BEAN1: variants seen among roughly 807,000 people sequenced by gnomAD.
The protein encoded by BEAN1 is brain expressed associated with NEDD4 1, also known as protein BEAN1.
In BEAN1, 17 loss-of-function variants were observed where a neutral mutation model predicts 17.7. The ratio of observed to expected loss-of-function variants is 0.96; its 90% CI spans 0.66 to 1.44. BEAN1 has a LOEUF of 1.44. Ranked by LOEUF, BEAN1 falls within the 40% of genes most tolerant of loss-of-function variation. The probability of loss-of-function intolerance (pLI) is 0.00; values close to 1 mark genes in which losing one functional copy is unlikely to be tolerated. For synonymous variants in BEAN1, 142 were observed against 151.8 expected (o/e 0.94, Z 0.47); for missense variants, 359 against 374.1 (o/e 0.96, Z 0.33).
At chr16:66,466,714 CACCACCACGCCCGGGT>C (rs1023693288) in intron 2 of BEAN1, among the ~76,000 whole-genome samples, 3 of 152,126 alleles carry the variant, frequency 2.0e-5, no homozygotes, top group African/African-American at 7.2e-5. Context: ...TACAAGCACC[CACCACCACGCCCGGGT>C]AAATTTTTTT....
chr16:66,492,570 G>C (rs1964189980), intron 4 of BEAN1, among the ~76,000 whole-genome samples: 1 of 151,850 alleles, frequency 6.6e-6, no homozygotes, highest in African/African-American at 2.4e-5. Flanking sequence ...CTCCCAAACA[G>C]CTGGGATTAC....
chr16:66,477,538 G>A (rs1294176343), intron 3 of BEAN1, 22 bp from the exon 4 acceptor site: 18 of 1,517,642 alleles, frequency 1.2e-5, no homozygotes, highest in Non-Finnish European at 1.6e-5. Context: ...TGAGGCCCAG[G>A]CCGGTGGTCT....
intron 2 of BEAN1, among the ~76,000 whole-genome samples, chr16:66,453,621 C>T (rs1397192100): frequency 1.3e-5 from 2 of 152,146 alleles, no homozygotes; most frequent in African/African-American, 4.8e-5. Flanking sequence ...CTTGACCTCC[C>T]AAAGTGTTGG....
Position 66,493,231 on chromosome 16 carries a change from GA to G in BEAN1, c.421del (p.Arg141GlyfsTer3). The stretch of plus-strand genomic sequence containing the variant: ...GGACCCACAGCAGGCACAGCTCAGA[GA>G]AAAGGCTGGTGAAGCCCTGCAGCTG... On this transcript the variant is annotated frameshift_variant, in exon 5 of 5. Coordinates refer to the BEAN1 transcript ENST00000561796. LOFTEE classifies it low-confidence loss of function (END_TRUNC). 2 of 703,040 alleles carry G rather than the reference GA, an allele frequency of 2.8e-6. No homozygotes were observed. The highest frequency in any genetic ancestry group is 5.2e-6 in the Non-Finnish European group (2 of 384,994). 43.6% of individuals were successfully genotyped at this position (703,040 alleles called of 1,614,324 possible). A position where few individuals can be genotyped will look rare whatever the true frequency, so the allele number is the denominator to read the frequency against.
rs753488394 is a variant in BEAN1 at position 66,471,539 on chromosome 16, A to G, written c.289+1674A>G. On this transcript the variant is annotated intron_variant, in intron 3 of 4. Coordinates refer to ENST00000536005, the MANE Select transcript of BEAN1 (RefSeq NM_001178020.3). This position sits in a 1 kb window ranked among gnomAD's most constrained non-coding sequence, Gnocchi z 4.7. Reference sequence around the variant, plus strand: ...CATGGCCACAGTGGGTGTCACTCAGACCTGGATGTTGCTCCCCTGGGAAAG... The same window carrying G: ...CATGGCCACAGTGGGTGTCACTCAGGCCTGGATGTTGCTCCCCTGGGAAAG... 1.3e-5 allele frequency among the ~76,000 whole-genome samples: 2 copies of G among 152,198 alleles called. No individual in the cohort carries two copies. Among genetic ancestry groups the G allele is most frequent in the Non-Finnish European group, 2.9e-5 (2 of 68,028 alleles).
intron 4 of BEAN1, among the ~76,000 whole-genome samples, chr16:66,479,557 CACAT>C (rs1388212909): frequency 6.6e-6 from 1 of 152,088 alleles, no homozygotes; most frequent in Non-Finnish European, 1.5e-5. Context: ...CACACACACA[CACAT>C]ACATGCACAC....
intron 3 of BEAN1, 173 bp downstream of exon 3, chr16:66,470,038 G>A (rs1963417643): frequency 2.2e-6 from 2 of 921,090 alleles, no homozygotes; most frequent in Non-Finnish European, 3.2e-6. Flanking sequence ...AATGTTCTCG[G>A]TGACATGAGA....
chr16:66,443,680 A>AT (rs920080245), intron 2 of BEAN1, among the ~76,000 whole-genome samples: 11 of 151,554 alleles, frequency 7.3e-5, no homozygotes, highest in African/African-American at 1.7e-4. Flanking sequence ...GCTCATCTTA[A>AT]TTTTTTTTTA....
rs933021305 is a variant in BEAN1, at chr16:66,481,065, T to C, written c.*140T>C. The C allele has an allele frequency of 1.9e-5, 13 of 670,506 alleles. No individual in the cohort carries two copies. The highest frequency in any genetic ancestry group is 5.5e-5 in the African/African-American group (3 of 54,980). The allele number at this position is 670,506 out of a possible 1,614,324, so 41.5% of individuals were successfully genotyped here. A position where few individuals can be genotyped will look rare whatever the true frequency, so the allele number is the denominator to read the frequency against. ...GACCAAACTTGTATACACACAGACATCTACACTGACATACCCCATGTACAC... is the reference window on the plus strand; with the variant it reads ...GACCAAACTTGTATACACACAGACACCTACACTGACATACCCCATGTACAC... On this transcript the variant is annotated 3_prime_UTR_variant, in exon 5 of 5. Transcript: ENST00000536005. This position sits in a 1 kb window ranked among gnomAD's most constrained non-coding sequence, Gnocchi z 4.1.
At chr16:66,433,447 G>C (rs1007848058) in intron 1 of BEAN1, among the ~76,000 whole-genome samples, 6 of 152,282 alleles carry the variant, frequency 3.9e-5, no homozygotes, top group Non-Finnish European at 8.8e-5. Context: ...AGTGATGGCA[G>C]CCTCTGCCCC....
chr16:66,439,763 G>A (rs1962175937), intron 2 of BEAN1, among the ~76,000 whole-genome samples: 1 of 152,166 alleles, frequency 6.6e-6, no homozygotes, highest in East Asian at 1.9e-4. Context: ...GGAGGAGCTA[G>A]AGGCCATTGT....
chr16:66,439,383 T>G (rs964908694), intron 2 of BEAN1, among the ~76,000 whole-genome samples: 2 of 152,190 alleles, frequency 1.3e-5, no homozygotes, highest in African/African-American at 2.4e-5. Flanking sequence ...ACACCTGCCC[T>G]GCAGAGCACT....
exon 5 of BEAN1, chr16:66,493,305 G>A (rs1332366119): frequency 1.4e-6 from 1 of 700,884 alleles, no homozygotes; most frequent in Non-Finnish European, 2.6e-6. Flanking sequence ...CCACAGCAAG[G>A]TCCCTCAGAA....
chr16:66,493,128 T>C lies in BEAN1; in HGVS notation c.314T>C (p.Leu105Pro). ...AAGCAGATGGTGTTCAAGATCTTCC[T>C]GGTGAGGGTCTCATGTGAAGCCGTT... The change falls in exon 5 of 5, where the codon CTG becomes CCG. Residue 105 changes from leucine to proline, a missense_variant. Coordinates refer to the BEAN1 transcript ENST00000561796. 7.1e-6 allele frequency: 5 copies of C among 702,990 alleles called. No homozygotes were observed. The East Asian group carries it at 1.1e-4, about 15-fold the overall frequency. 43.5% of individuals were successfully genotyped at this position (702,990 alleles called of 1,614,324 possible).
chr16:66,437,221 C>A (rs893284886), intron 1 of BEAN1, among the ~76,000 whole-genome samples: 1 of 152,082 alleles, frequency 6.6e-6, no homozygotes, highest in Non-Finnish European at 1.5e-5. Flanking sequence ...TGTTCCCAGC[C>A]CTGATAGTTC....
chr16:66,452,491 G>A (rs1962709391), intron 2 of BEAN1, among the ~76,000 whole-genome samples: 1 of 152,178 alleles, frequency 6.6e-6, no homozygotes, highest in South Asian at 2.1e-4. Flanking sequence ...CAGTGAAGGA[G>A]CCATAATTGC....
chr16:66,439,861 A>G (rs1962181646), intron 2 of BEAN1, among the ~76,000 whole-genome samples: 1 of 152,168 alleles, frequency 6.6e-6, no homozygotes, highest in Non-Finnish European at 1.5e-5. Context: ...GGGTCCACCA[A>G]GCCCAGTGGA....
At chr16:66,463,657 T>C (rs1963165068) in intron 2 of BEAN1, among the ~76,000 whole-genome samples, 2 of 152,372 alleles carry the variant, frequency 1.3e-5, no homozygotes, top group South Asian at 4.1e-4. Context: ...TATCTATTTT[T>C]CTTTTGCTTC....
At chr16:66,480,522 G>A (rs1963944186) in intron 4 of BEAN1, 64 bp from the exon 5 acceptor site, 1 of 1,312,372 alleles carries the variant, frequency 7.6e-7, no homozygotes. Flanking sequence ...AGACCCCCAG[G>A]CCTTTGGGAG....
Sources: allele counts gnomAD v4.1 joint callset (sites outside exome capture counted in the v4.1 genomes callset), GRCh38; gene constraint gnomAD v4.1.1; non-coding constraint Gnocchi (gnomAD v3.1); transcripts MANE v1.5; gene names NCBI Gene and HGNC (gene_info 2026-07-23, HGNC 2026-07-21).